The following EEPD1 variants were observed in gnomAD, a reference collection of about 807,000 sequenced individuals.
EEPD1 encodes endonuclease/exonuclease/phosphatase family domain containing 1, also known as endonuclease/exonuclease/phosphatase family domain-containing protein 1.
In EEPD1, 17 loss-of-function variants were observed where a neutral mutation model predicts 46.3. The ratio of observed to expected loss-of-function variants is 0.37; its 90% CI spans 0.25 to 0.55. The LOEUF (loss-of-function observed/expected upper bound fraction) is 0.55, where lower values mean the gene tolerates loss of function less well. EEPD1 is among the 20% of genes least tolerant of loss of function. The probability of loss-of-function intolerance (pLI) is 0.83; values close to 1 mark genes in which losing one functional copy is unlikely to be tolerated. For synonymous variants in EEPD1, 313 were observed against 315.6 expected, an observed-to-expected ratio of 0.99 and a Z score of 0.09; for missense variants, 673 against 745.6, an observed-to-expected ratio of 0.90 and a Z score of 1.13.
At chr7:36,178,155 A>C (rs2115647650) in intron 2 of EEPD1, among the ~76,000 whole-genome samples, 1 of 152,260 alleles carries the variant, frequency 6.6e-6, no homozygotes, top group East Asian at 1.9e-4. Flanking sequence ...CTGTTGTGTC[A>C]GTTAATAGAA....
chr7:36,299,343 C>T lies in EEPD1; in HGVS notation c.*137C>T, dbSNP rs1016408869. On this transcript the variant is annotated 3_prime_UTR_variant, in exon 8 of 8. Transcript: ENST00000242108. ...CATCAGCACTTGAGGCCTTGCCCCA[C>T]GCCTTCTCTGTGGACCATTCAGGAC... is the stretch of plus-strand genomic sequence containing the variant. The T allele has an allele frequency of 1.7e-5, 18 of 1,087,746 alleles. 1 individual carries two copies. Among genetic ancestry groups the T allele is most frequent in the African/African-American group, 9.4e-5 (6 of 63,758 alleles). The allele number at this position is 1,087,746 out of a possible 1,614,324, so 67.4% of individuals were successfully genotyped here.
chr7:36,218,501 T>C (rs1786074089), intron 2 of EEPD1, among the ~76,000 whole-genome samples: 1 of 152,136 alleles, frequency 6.6e-6, no homozygotes. Flanking sequence ...CTTCTTCTTG[T>C]GCTGATGTGA....
chr7:36,248,817 G>T (rs918303544), intron 3 of EEPD1, among the ~76,000 whole-genome samples: 5 of 152,078 alleles, frequency 3.3e-5, no homozygotes, highest in African/African-American at 1.2e-4. Flanking sequence ...CAGATTGGGG[G>T]TGGGTACCAT....
intron 2 of EEPD1, among the ~76,000 whole-genome samples, chr7:36,173,640 C>T (rs1028103272): frequency 3.3e-5 from 5 of 152,128 alleles, no homozygotes; most frequent in African/African-American, 9.7e-5. Flanking sequence ...TCAATTAAAC[C>T]TCTTTTGTTT....
intron 2 of EEPD1, among the ~76,000 whole-genome samples, chr7:36,217,616 TG>T: frequency 6.6e-6 from 1 of 152,376 alleles, no homozygotes; most frequent in East Asian, 1.9e-4. Flanking sequence ...AAGATGGAGT[TG>T]TTCTGGTTCA....
chr7:36,162,300 A>G (rs913152088), intron 2 of EEPD1, among the ~76,000 whole-genome samples: 1 of 152,194 alleles, frequency 6.6e-6, no homozygotes, highest in African/African-American at 2.4e-5. Context: ...CAGAGTAAAC[A>G]TTTCATTATA....
At chr7:36,237,390 G>A (rs946007803) in intron 2 of EEPD1, among the ~76,000 whole-genome samples, 5 of 152,194 alleles carry the variant, frequency 3.3e-5, no homozygotes, top group Non-Finnish European at 7.3e-5. Flanking sequence ...TCCTGCCTTG[G>A]CCTCCCAAAG....
intron 3 of EEPD1, among the ~76,000 whole-genome samples, chr7:36,239,412 T>C (rs1037785671): frequency 6.6e-5 from 10 of 152,036 alleles, no homozygotes; most frequent in Non-Finnish European, 1.3e-4. Flanking sequence ...CTGTGTGTTA[T>C]TATCTGGGTG....
chr7:36,256,083 C>T (rs1786824792), intron 3 of EEPD1, among the ~76,000 whole-genome samples: 1 of 152,148 alleles, frequency 6.6e-6, no homozygotes, highest in South Asian at 2.1e-4. Flanking sequence ...TCATTATTTA[C>T]CCACTAGTTA....
At chr7:36,189,933 C>T (rs997114713) in intron 2 of EEPD1, among the ~76,000 whole-genome samples, 3 of 152,136 alleles carry the variant, frequency 2.0e-5, no homozygotes, top group Non-Finnish European at 4.4e-5. Flanking sequence ...GCAGGAGGAT[C>T]GCTTGAGCCC....
chr7:36,293,244 A>G (rs1787475996), intron 6 of EEPD1, among the ~76,000 whole-genome samples: 1 of 152,220 alleles, frequency 6.6e-6, no homozygotes, highest in Admixed American at 6.5e-5. Context: ...TTTTTAATAA[A>G]TACTTCAATC....
At position 36,245,356 on chromosome 7, in the gene EEPD1, T is replaced by C. The variant is rs527585648; in HGVS notation, c.930+6320T>C. On this transcript the variant is annotated intron_variant, in intron 3 of 7. Transcript: ENST00000242108. ...TTGCTCCAGTGGTCCTTACTGTGTTTGGGGGCTTTCCTGTTTCACCTGCCC... is the reference window on the plus strand; with the variant it reads ...TTGCTCCAGTGGTCCTTACTGTGTTCGGGGGCTTTCCTGTTTCACCTGCCC... Among the ~76,000 whole-genome samples the C allele has an allele frequency of 1.4e-4, 22 of 152,332 alleles. No homozygotes were observed. In the South Asian group the frequency reaches 4.3e-3, roughly 30 times the overall value.
intron 3 of EEPD1, among the ~76,000 whole-genome samples, chr7:36,245,222 A>G (rs566576049): frequency 6.6e-6 from 1 of 152,308 alleles, no homozygotes; most frequent in Admixed American, 6.5e-5. Flanking sequence ...TGCTGGGATT[A>G]CAGACATGAG....
intron 3 of EEPD1, among the ~76,000 whole-genome samples, chr7:36,249,227 T>C (rs1382784596): frequency 6.6e-6 from 1 of 152,198 alleles, no homozygotes; most frequent in Non-Finnish European, 1.5e-5. Flanking sequence ...GGGTTCATTT[T>C]AAATTTATTG....
At chr7:36,201,899 G>C (rs1785718265) in intron 2 of EEPD1, among the ~76,000 whole-genome samples, 1 of 152,158 alleles carries the variant, frequency 6.6e-6, no homozygotes, top group Non-Finnish European at 1.5e-5. Flanking sequence ...TGTGAGTTCT[G>C]GCTTCCCATA....
intron 3 of EEPD1, among the ~76,000 whole-genome samples, chr7:36,262,085 TC>T (rs1373899447): frequency 6.6e-6 from 1 of 152,168 alleles, no homozygotes; most frequent in Non-Finnish European, 1.5e-5. Flanking sequence ...GGACTTGGTT[TC>T]CCCCCACCCA....
intron 2 of EEPD1, among the ~76,000 whole-genome samples, chr7:36,162,181 C>T (rs1456433586): frequency 6.6e-6 from 1 of 152,190 alleles, no homozygotes; most frequent in Non-Finnish European, 1.5e-5. Flanking sequence ...GCTTCCTCAC[C>T]CTCCTTCTCA....
intron 2 of EEPD1, among the ~76,000 whole-genome samples, chr7:36,190,831 C>T (rs932724865): frequency 9.9e-5 from 15 of 152,144 alleles, no homozygotes; most frequent in Non-Finnish European, 1.9e-4. Flanking sequence ...AAGGAGAAGC[C>T]CACCCTGGGG....
chr7:36,286,203 C>T (rs1418693176), intron 5 of EEPD1, among the ~76,000 whole-genome samples: 3 of 152,194 alleles, frequency 2.0e-5, no homozygotes, highest in Non-Finnish European at 4.4e-5. Context: ...CTAAATAAAG[C>T]AGCCCCCTAA....
Sources: allele counts gnomAD v4.1 joint callset (sites outside exome capture counted in the v4.1 genomes callset), GRCh38; gene constraint gnomAD v4.1.1; transcripts MANE v1.5; gene names NCBI Gene and HGNC (gene_info 2026-07-23, HGNC 2026-07-21).